CHM: variants seen among roughly 807,000 people sequenced by gnomAD.
CHM encodes rab proteins geranylgeranyltransferase component A 1.
In CHM, 10 loss-of-function variants were observed where a neutral mutation model predicts 49.0. The observed-to-expected ratio is 0.20, with a 90% CI of 0.13 to 0.35. CHM has a LOEUF of 0.35. Among genes scored for constraint, CHM ranks in the 10% least tolerant of loss-of-function variants. The pLI is 1.00. For missense variants in CHM, 455 were observed against 478.4 expected, an observed-to-expected ratio of 0.95 and a Z score of 0.46; for synonymous variants, 184 against 167.5, an observed-to-expected ratio of 1.10 and a Z score of -0.76.
chrX:85,881,844 T>C (rs186194429), intron 12 of CHM, among the ~76,000 whole-genome samples: 32 of 112,230 alleles, frequency 2.9e-4, no homozygotes, highest in Admixed American at 1.5e-3. Context: ...ACCAAAACTG[T>C]AATATATTTA....
chrX:86,025,497 G>A (rs1028849362), intron 2 of CHM, among the ~76,000 whole-genome samples: 6 of 109,611 alleles, frequency 5.5e-5, no homozygotes, highest in Non-Finnish European at 1.1e-4. Context: ...GTAGCATAGC[G>A]AGATTCCATC....
chrX:85,909,710 C>A (rs1434677454), intron 9 of CHM, among the ~76,000 whole-genome samples: 2 of 111,783 alleles, frequency 1.8e-5, no homozygotes, highest in African/African-American at 6.5e-5. Context: ...TCAACAAAGG[C>A]AATTACTATA....
intron 8 of CHM, among the ~76,000 whole-genome samples, chrX:85,947,935 G>A (rs5968729): frequency 0.23 from 25,118 of 110,763 alleles, 2,168 homozygotes; most frequent in Middle Eastern, 0.25. Flanking sequence ...TCATCTTTTA[G>A]CAATTCTACC....
chrX:86,004,312 C>A (rs929377402), intron 2 of CHM, among the ~76,000 whole-genome samples: 1 of 111,893 alleles, frequency 8.9e-6, no homozygotes. Context: ...AAAAACATGC[C>A]AAATTGTAAA....
In CHM at chrX:85,963,949, G is replaced by A; in HGVS notation, c.418C>T (p.Pro140Ser). The change falls in exon 5 of 15, where the codon CCT becomes TCT. Residue 140 changes from proline to serine, a missense_variant. By Grantham distance (74) the Pro-to-Ser change is moderately conservative. Coordinates refer to ENST00000357749, the MANE Select transcript of CHM (RefSeq NM_000390.4). ...STEAADSAFL[P>S]TEDESLSTMS... ...GTGCTTAATGACTCATCCTCCGTAG[G>A]CAGGAAGGCAGAATCTGCAGCTTCT... 1 of 1,210,646 alleles carries A rather than the reference G, an allele frequency of 8.3e-7. No homozygotes were observed. The highest frequency in any genetic ancestry group is 1.1e-6 in the Non-Finnish European group (1 of 895,115).
At chrX:85,898,345 T>C (rs1252736069) in intron 11 of CHM, among the ~76,000 whole-genome samples, 1 of 111,409 alleles carries the variant, frequency 9.0e-6, no homozygotes, top group Non-Finnish European at 1.9e-5. Context: ...GTGTCTCCCA[T>C]CCCATCCAAG....
At chrX:85,933,670 T>C (rs180890780) in intron 8 of CHM, among the ~76,000 whole-genome samples, 5 of 112,361 alleles carry the variant, frequency 4.4e-5, no homozygotes, top group African/African-American at 1.6e-4. Context: ...TCTATGCAGA[T>C]AGGACCACAA....
chrX:85,944,020 G>A (rs1424111568), intron 8 of CHM, among the ~76,000 whole-genome samples: 8 of 111,638 alleles, frequency 7.2e-5, no homozygotes, highest in Admixed American at 5.7e-4. Flanking sequence ...ACTTGTTAAG[G>A]TAGAGGAGCA....
intron 9 of CHM, among the ~76,000 whole-genome samples, chrX:85,907,615 T>C (rs1471900352): frequency 3.6e-5 from 4 of 112,130 alleles, no homozygotes; most frequent in South Asian, 3.7e-4. Flanking sequence ...AAAATAGGTA[T>C]GCATTTGGTT....
At chrX:85,896,374 T>C (rs1158168375) in intron 11 of CHM, among the ~76,000 whole-genome samples, 3 of 110,612 alleles carry the variant, frequency 2.7e-5, no homozygotes, top group Non-Finnish European at 5.7e-5. Context: ...AGGAAGTACA[T>C]TGAAGGACGT....
chrX:85,921,197 G>A (rs1927771970), intron 8 of CHM, among the ~76,000 whole-genome samples: 1 of 111,793 alleles, frequency 8.9e-6, no homozygotes, highest in Non-Finnish European at 1.9e-5. Flanking sequence ...ATGATTTTGG[G>A]GGAGGTAATA....
At chrX:85,894,318 GT>G in intron 11 of CHM, 34 bp from the exon 12 acceptor site, 1 of 1,006,390 alleles carries the variant, frequency 9.9e-7, no homozygotes, top group Middle Eastern at 2.6e-4. Flanking sequence ...AGACACAGCT[GT>G]TAGATCTCAT....
chrX:86,046,037 G>C (rs777130969), intron 1 of CHM, among the ~76,000 whole-genome samples: 1 of 112,414 alleles, frequency 8.9e-6, no homozygotes, highest in African/African-American at 3.2e-5. Context: ...TGTCCATGCT[G>C]TTCTGAGAAC....
chrX:85,920,775 C>T (rs867668392), intron 8 of CHM, among the ~76,000 whole-genome samples: 1 of 111,837 alleles, frequency 8.9e-6, no homozygotes, highest in African/African-American at 3.3e-5. Context: ...TCAGAGGTTT[C>T]TCTGTTAACC....
chrX:85,940,565 T>C lies in CHM; in HGVS notation c.1166+15588A>G, dbSNP rs767692696. Among the ~76,000 whole-genome samples the C allele has an allele frequency of 7.3e-5, 8 of 109,622 alleles. No individual in the cohort carries two copies. The East Asian group carries it at 1.7e-3, about 24-fold the overall frequency. Reference sequence around the variant, plus strand: ...ATCTAGTGGGTAGAATCCAGGTATGTTGCTAACATTTTACAATGCACAAGA... The same window carrying C: ...ATCTAGTGGGTAGAATCCAGGTATGCTGCTAACATTTTACAATGCACAAGA... On this transcript the variant is annotated intron_variant, in intron 8 of 14. Coordinates refer to ENST00000357749, the MANE Select transcript of CHM (RefSeq NM_000390.4).
chrX:86,001,888 C>A (rs767402721), intron 2 of CHM, among the ~76,000 whole-genome samples: 3 of 110,917 alleles, frequency 2.7e-5, no homozygotes, highest in African/African-American at 9.8e-5. Flanking sequence ...ACAAGTACAT[C>A]TTCTGTAAGA....
intron 8 of CHM, among the ~76,000 whole-genome samples, chrX:85,914,800 C>T (rs142221795): frequency 3.6e-4 from 40 of 110,975 alleles, no homozygotes; most frequent in African/African-American, 9.8e-4. Context: ...GCTGGCAGCC[C>T]CTGTTGAAGA....
At chrX:85,930,939 T>A (rs1407574129) in intron 8 of CHM, among the ~76,000 whole-genome samples, 1 of 111,740 alleles carries the variant, frequency 8.9e-6, no homozygotes, top group African/African-American at 3.3e-5. Context: ...ATTTTCAAAC[T>A]TTAACAACAA....
chrX:85,866,643 C>A (rs1923716431), intron 14 of CHM, among the ~76,000 whole-genome samples: 1 of 113,044 alleles, frequency 8.8e-6, no homozygotes, highest in Admixed American at 9.3e-5. Flanking sequence ...GCACTCAATG[C>A]CAGCCCATGA....
Sources: gnomAD v4.1 joint callset for allele counts (sites outside exome capture counted in the v4.1 genomes callset) on GRCh38, gnomAD v4.1.1 for gene constraint, MANE v1.5 for transcripts, NCBI Gene and HGNC (gene_info 2026-07-23, HGNC 2026-07-21) for gene names.